The following ITGA1 variants were observed in gnomAD, a reference collection of about 807,000 sequenced individuals.
The protein encoded by ITGA1 is integrin alpha-1.
Under a neutral mutation model 145.9 loss-of-function variants are expected in ITGA1, and 85 were observed. The ratio of observed to expected loss-of-function variants is 0.58; its 90% CI spans 0.49 to 0.70. The LOEUF (loss-of-function observed/expected upper bound fraction) is 0.70, where lower values mean the gene tolerates loss of function less well. ITGA1 is among the 30% of genes least tolerant of loss of function. The pLI, the probability that ITGA1 is intolerant of heterozygous loss-of-function variation, is 0.00. For missense variants in ITGA1, 1,351 were observed against 1,418.7 expected, an observed-to-expected ratio of 0.95 and a Z score of 0.77; for synonymous variants, 520 against 495.3, an observed-to-expected ratio of 1.05 and a Z score of -0.66.
At position 52,944,986 on chromosome 5, in the gene ITGA1, G is replaced by A. The variant is rs748857923; in HGVS notation, c.3329G>A (p.Arg1110Gln). 25 of 1,613,184 alleles carry A rather than the reference G, an allele frequency of 1.5e-5. No homozygotes were observed. The highest frequency in any genetic ancestry group is 8.9e-5 in the East Asian group (4 of 44,784). ...AATCTTACTATAAGGGGAGAACTTCGGAGTGAAAATGCATCTCTGGTTTTA... is the reference window on the plus strand; with the variant it reads ...AATCTTACTATAAGGGGAGAACTTCAGAGTGAAAATGCATCTCTGGTTTTA... Reference protein sequence around the residue: ...SLNLTIRGELRSENASLVLSS... With the variant: ...SLNLTIRGELQSENASLVLSS... Residue 1110 changes from arginine (R) to glutamine (Q), a missense_variant, in exon 27 of 29, where the codon CGG becomes CAG. Coordinates refer to ENST00000282588, the MANE Select transcript of ITGA1 (RefSeq NM_181501.2).
chr5:52,849,555 A>G, intron 2 of ITGA1, 70 bp downstream of exon 2: 1 of 1,294,812 alleles, frequency 7.7e-7, no homozygotes, highest in Non-Finnish European at 1.0e-6. Context: ...ATTTGACTAC[A>G]GTTTCTTTTA....
chr5:52,788,670 G>A (rs76024211), intron 1 of ITGA1, among the ~76,000 whole-genome samples: 1 of 152,282 alleles, frequency 6.6e-6, no homozygotes, highest in African/African-American at 2.4e-5. Context: ...ACCTTAGAAG[G>A]TAGAATTCAC....
chr5:52,888,386 A>C (rs1455024290), intron 8 of ITGA1, among the ~76,000 whole-genome samples: 1 of 152,204 alleles, frequency 6.6e-6, no homozygotes, highest in Non-Finnish European at 1.5e-5. Context: ...TCAGTATAAC[A>C]AGAGCAGTGG....
Position 52,861,496 on chromosome 5 carries a change from G to A in ITGA1, c.232G>A (p.Asp78Asn). Residue 78 changes from aspartate to asparagine, a missense_variant, in exon 3 of 29, where the codon GAT (aspartate) becomes AAT (asparagine). By Grantham distance (23) the Asp-to-Asn change is conservative (BLOSUM62 1). Coordinates refer to ENST00000282588, the MANE Select transcript of ITGA1 (RefSeq NM_181501.2). ...LVGQPKNRTGDVYKCPVGRGE... is the reference protein window; with the variant it reads ...LVGQPKNRTGNVYKCPVGRGE... ...TGGCCAACCCAAAAACAGAACTGGA[G>A]ATGTCTATAAGTGTCCAGTTGGGAG... 4 of 1,613,898 alleles carry A rather than the reference G, an allele frequency of 2.5e-6. No individual in the cohort carries two copies. The highest frequency in any genetic ancestry group is 3.4e-6 in the Non-Finnish European group (4 of 1,179,862).
intron 1 of ITGA1, among the ~76,000 whole-genome samples, chr5:52,811,616 G>C (rs1195413073): frequency 6.6e-6 from 1 of 152,056 alleles, no homozygotes; most frequent in East Asian, 1.9e-4. Context: ...GTTGTTGGGG[G>C]ACTTTAAACT....
In ITGA1 at chr5:52,930,516, T is replaced by G. The variant is rs563434663; in HGVS notation, c.2771+815T>G. Among the ~76,000 whole-genome samples the G allele has an allele frequency of 3.9e-5, 6 of 152,224 alleles. No individual in the cohort carries two copies. In the East Asian group the frequency reaches 9.6e-4, roughly 24 times the overall value. On this transcript the variant is annotated intron_variant, in intron 21 of 28. Coordinates refer to ENST00000282588, the MANE Select transcript of ITGA1 (RefSeq NM_181501.2). ...TAGGGGGTTGAGTCTAGTATAAAAT[T>G]ATTGTAACCTGGGATAGAATAAAAA...
chr5:52,795,369 T>G lies in ITGA1; in HGVS notation c.61+6955T>G, dbSNP rs578064240. On this transcript the variant is annotated intron_variant, in intron 1 of 28. Coordinates refer to ENST00000282588, the MANE Select transcript of ITGA1 (RefSeq NM_181501.2). ...GGAAAGTAAGCCTTCCAAAATAAAA[T>G]ACAAGATGAAAACAAGAAAATTTAT... Among the ~76,000 whole-genome samples, 383 of 151,928 alleles carry G rather than the reference T, an allele frequency of 2.5e-3. 1 individual carries two copies. Among genetic ancestry groups the G allele is most frequent in the African/African-American group, 8.8e-3 (365 of 41,512 alleles).
chr5:52,917,237 A>G (rs908488477), intron 15 of ITGA1, among the ~76,000 whole-genome samples: 2 of 152,248 alleles, frequency 1.3e-5, no homozygotes, highest in African/African-American at 4.8e-5. Flanking sequence ...AATCCATATT[A>G]CTAAGCAGGA....
intron 1 of ITGA1, among the ~76,000 whole-genome samples, chr5:52,837,897 T>C (rs747985369): frequency 3.3e-5 from 5 of 152,188 alleles, no homozygotes; most frequent in Non-Finnish European, 7.4e-5. Flanking sequence ...AAGTTATCTC[T>C]TTCCTCTGAA....
intron 1 of ITGA1, among the ~76,000 whole-genome samples, chr5:52,846,141 C>T (rs2111745752): frequency 6.6e-6 from 1 of 152,264 alleles, no homozygotes; most frequent in South Asian, 2.1e-4. Flanking sequence ...TGACTCACAC[C>T]TGTAATCCCA....
chr5:52,875,473 T>C (rs1749853187), intron 6 of ITGA1, among the ~76,000 whole-genome samples: 1 of 152,184 alleles, frequency 6.6e-6, no homozygotes, highest in African/African-American at 2.4e-5. Context: ...TGGCCTTGGA[T>C]TGTAATTATC....
intron 1 of ITGA1, among the ~76,000 whole-genome samples, chr5:52,843,126 T>C (rs1056194526): frequency 3.4e-4 from 52 of 152,210 alleles, no homozygotes; most frequent in African/African-American, 1.3e-3. Flanking sequence ...GATTAGTTCC[T>C]GTATCTCCAG....
Position 52,925,353 on chromosome 5 carries a change from A to G in ITGA1, c.2479A>G (p.Lys827Glu), listed in dbSNP as rs781511926. Residue 827 changes from lysine to glutamate, a missense_variant, in exon 19 of 29, where the codon AAG becomes GAG. Physicochemically the swap from Lys to Glu is moderately conservative, Grantham distance 56. Coordinates refer to ENST00000282588, the MANE Select transcript of ITGA1 (RefSeq NM_181501.2). Reference protein sequence around the residue: ...DLSLHVATTEKDLLIVRSQND... With the variant: ...DLSLHVATTEEDLLIVRSQND... ...CAGCCTGCATGTCGCCACCACTGAAAAGGACCTGCTGATTGTCCGATCCCA... is the reference window on the plus strand; with the variant it reads ...CAGCCTGCATGTCGCCACCACTGAAGAGGACCTGCTGATTGTCCGATCCCA... 6.2e-7 allele frequency: 1 copy of G among 1,614,000 alleles called. No homozygotes were observed.
intron 18 of ITGA1, 117 bp from the exon 19 acceptor site, chr5:52,925,160 TC>T (rs1315935406): frequency 2.9e-6 from 2 of 685,966 alleles, no homozygotes. Flanking sequence ...AGGGAAATTC[TC>T]CTTATGAGTT....
intron 1 of ITGA1, chr5:52,800,880 G>C: frequency 1.2e-6 from 2 of 1,612,804 alleles, no homozygotes; most frequent in Non-Finnish European, 1.7e-6. Flanking sequence ...CTCGGGCCAA[G>C]GTGGAGGTGA....
At chr5:52,867,762 G>T (rs1749711160) in intron 6 of ITGA1, among the ~76,000 whole-genome samples, 1 of 152,018 alleles carries the variant, frequency 6.6e-6, no homozygotes, top group African/African-American at 2.4e-5. Flanking sequence ...GACACGAGAG[G>T]CTAACTGATT....
At chr5:52,946,157 G>A (rs1459314500) in intron 27 of ITGA1, among the ~76,000 whole-genome samples, 3 of 152,128 alleles carry the variant, frequency 2.0e-5, no homozygotes, top group Non-Finnish European at 4.4e-5. Context: ...TTTTGTAATT[G>A]TGTGATCTGA....
chr5:52,902,256 TC>T lies in ITGA1; in HGVS notation c.1310-3506del, dbSNP rs1320667003. On this transcript the variant is annotated intron_variant, in intron 11 of 28. Coordinates refer to ENST00000282588, the MANE Select transcript of ITGA1 (RefSeq NM_181501.2). Reference sequence around the variant, plus strand: ...TGTCTCAGGACATAGTCCTACCCCATCTTTCTATTACCCAAACTGCCTTATG... The same window carrying T: ...TGTCTCAGGACATAGTCCTACCCCATTTTCTATTACCCAAACTGCCTTATG... 2.6e-5 allele frequency: 4 copies of T among 152,324 alleles called. No individual in the cohort carries two copies. The East Asian group carries it at 7.7e-4, about 29-fold the overall frequency. The allele number at this position is 152,324 out of a possible 1,614,324, so 9.4% of individuals were successfully genotyped here.
intron 6 of ITGA1, among the ~76,000 whole-genome samples, chr5:52,866,408 A>G (rs558959159): frequency 1.3e-5 from 2 of 152,368 alleles, no homozygotes; most frequent in African/African-American, 4.8e-5. Flanking sequence ...CTATAAACTC[A>G]TAGTTTAATT....
Sources: gnomAD v4.1 joint callset for allele counts (sites outside exome capture counted in the v4.1 genomes callset) on GRCh38, gnomAD v4.1.1 for gene constraint, MANE v1.5 for transcripts, NCBI Gene and HGNC (gene_info 2026-07-23, HGNC 2026-07-21) for gene names.